PYHIN1: variants seen among roughly 807,000 people sequenced by gnomAD.
PYHIN1 encodes the protein pyrin and HIN domain-containing protein 1.
PYHIN1 carries 32 observed loss-of-function variants against 43.7 expected under a neutral mutation model. The ratio of observed to expected loss-of-function variants is 0.73; its 90% CI spans 0.55 to 0.98. The LOEUF is 0.98. Ranked by LOEUF, PYHIN1 falls within the 50% of genes least tolerant of loss-of-function variation. The pLI is 0.00. For synonymous variants in PYHIN1, 205 were observed against 203.1 expected, an observed-to-expected ratio of 1.01 and a Z score of -0.08; for missense variants, 588 against 589.5, an observed-to-expected ratio of 1.00 and a Z score of 0.03.
chr1:158,977,872 CAG>C (rs1651349563), downstream of PYHIN1, among the ~76,000 whole-genome samples: 3 of 152,168 alleles, frequency 2.0e-5, no homozygotes, highest in South Asian at 6.2e-4. Context: ...GTTAGGAGAA[CAG>C]GGATAAGATG....
At chr1:158,969,003 A>C (rs1008568080) in intron 7 of PYHIN1, among the ~76,000 whole-genome samples, 2 of 152,000 alleles carry the variant, frequency 1.3e-5, no homozygotes, top group African/African-American at 4.8e-5. Context: ...TGTGACATGC[A>C]GTTTACCTAT....
chr1:158,969,725 T>A (rs1370714426), intron 7 of PYHIN1, among the ~76,000 whole-genome samples: 3 of 152,020 alleles, frequency 2.0e-5, no homozygotes, highest in Non-Finnish European at 4.4e-5. Context: ...AAGACAAACA[T>A]TTAAAGACAA....
intron 2 of PYHIN1, among the ~76,000 whole-genome samples, 191 bp downstream of exon 2, chr1:158,937,366 G>C (rs186716010): frequency 6.6e-6 from 1 of 152,176 alleles, no homozygotes; most frequent in Admixed American, 6.5e-5. Context: ...GTGGATTGAC[G>C]TATATCGGAG....
chr1:158,946,510 G>T (rs1456733763), intron 7 of PYHIN1, among the ~76,000 whole-genome samples: 1 of 152,052 alleles, frequency 6.6e-6, no homozygotes, highest in Non-Finnish European at 1.5e-5. Context: ...TCTGCATCTG[G>T]AATTGTGGAT....
chr1:158,981,444 C>A (rs1039158281), downstream of PYHIN1, among the ~76,000 whole-genome samples: 8 of 152,114 alleles, frequency 5.3e-5, no homozygotes, highest in Non-Finnish European at 8.8e-5. Context: ...GCACTCCAGC[C>A]TGGGGGACAA....
intron 7 of PYHIN1, among the ~76,000 whole-genome samples, chr1:158,959,970 A>G (rs909623919): frequency 1.3e-5 from 2 of 152,230 alleles, no homozygotes; most frequent in African/African-American, 4.8e-5. Flanking sequence ...GGAAACTTGG[A>G]GGAAAAGCAA....
At chr1:158,945,096 T>A in intron 7 of PYHIN1, 54 bp downstream of exon 7, 2 of 1,508,418 alleles carry the variant, frequency 1.3e-6, no homozygotes, top group South Asian at 2.5e-5. Context: ...ATTACAAGGA[T>A]CATTAGATTG....
In PYHIN1 at chr1:158,973,905, T is replaced by C. The variant is rs1379780444; in HGVS notation, c.*5+134T>C. On this transcript the variant is annotated intron_variant, in intron 8 of 8. Coordinates refer to ENST00000368140, the MANE Select transcript of PYHIN1 (RefSeq NM_152501.5). ...TTTTACTACATTTCTCATTCATTTA[T>C]CAATATATAATTGGACATGCCACTG... 7.5e-6 allele frequency: 8 copies of C among 1,065,938 alleles called. No homozygotes were observed. The East Asian group carries it at 1.8e-4, about 24-fold the overall frequency. The allele number at this position is 1,065,938 out of a possible 1,614,324, so 66.0% of individuals were successfully genotyped here.
Position 158,933,997 on chromosome 1 carries a change from T to C in PYHIN1, c.-21+2221T>C, listed in dbSNP as rs1025961921. On this transcript the variant is annotated intron_variant, in intron 1 of 8. Transcript: ENST00000368140. This position sits in a 1 kb window ranked among gnomAD's most constrained non-coding sequence, Gnocchi z 6.3. ...TGAGGCCTTCAGGTTCAGAGAATAG[T>C]TTTTGAGGATCTTATGTTTAAATAT... 1.3e-5 allele frequency among the ~76,000 whole-genome samples: 2 copies of C among 152,156 alleles called. No homozygotes were observed. The highest frequency in any genetic ancestry group is 2.9e-5 in the Non-Finnish European group (2 of 68,006).
chr1:158,939,116 A>G lies in PYHIN1; in HGVS notation c.448A>G (p.Lys150Glu). 2 of 1,607,544 alleles carry G rather than the reference A, an allele frequency of 1.2e-6. No homozygotes were observed. The highest frequency in any genetic ancestry group is 1.7e-5 in the Admixed American group (1 of 58,160). The change falls in exon 4 of 9, where the codon AAA becomes GAA. Residue 150 changes from lysine (K) to glutamate (E), a missense_variant. Physicochemically the swap from Lys to Glu is moderately conservative, Grantham distance 56. Transcript: ENST00000368140. The part of the protein sequence containing the change: ...KKPSEEETGT[K>E]RSKMSKEQTR... The stretch of plus-strand genomic sequence containing the variant: ...ACCATCTGAAGAAGAGACTGGAACC[A>G]AAAGGAGTAAGATGTCCAAAGAGCA...
At chr1:158,984,480 T>C in the PYHIN1 span, among the ~76,000 whole-genome samples, 1 of 152,204 alleles carries the variant, frequency 6.6e-6, no homozygotes, top group African/African-American at 2.4e-5. Context: ...GGTATTGATT[T>C]GTATTTTTGT....
intron 7 of PYHIN1, among the ~76,000 whole-genome samples, chr1:158,958,579 G>A (rs1192249861): frequency 7.4e-6 from 1 of 135,626 alleles, no homozygotes; most frequent in Non-Finnish European, 1.6e-5. Context: ...ACACAGGAAG[G>A]GGAATATCAC....
At chr1:158,964,393 C>A (rs1011760093) in intron 7 of PYHIN1, among the ~76,000 whole-genome samples, 1 of 152,088 alleles carries the variant, frequency 6.6e-6, no homozygotes, top group Non-Finnish European at 1.5e-5. Context: ...TGAGATACTA[C>A]ACAAAAAGAC....
chr1:158,963,629 A>G (rs1460466977), intron 7 of PYHIN1, among the ~76,000 whole-genome samples: 1 of 152,134 alleles, frequency 6.6e-6, no homozygotes, highest in Non-Finnish European at 1.5e-5. Context: ...CTTAAGCACC[A>G]CCTACTGGAT....
At chr1:158,942,534 T>C in intron 5 of PYHIN1, 135 bp downstream of exon 5, 2 of 659,724 alleles carry the variant, frequency 3.0e-6, no homozygotes, top group Non-Finnish European at 5.0e-6. Flanking sequence ...GACAAGTAGA[T>C]AAAGTCTTCT....
intron 3 of PYHIN1, 79 bp downstream of exon 3, chr1:158,938,621 C>G: frequency 2.1e-6 from 3 of 1,427,520 alleles, no homozygotes; most frequent in Non-Finnish European, 2.9e-6. Context: ...ATCTGTCCAG[C>G]AGGCAGTTAT....
downstream of PYHIN1, among the ~76,000 whole-genome samples, chr1:158,982,000 C>T (rs1651498968): frequency 6.6e-6 from 1 of 152,052 alleles, no homozygotes; most frequent in African/African-American, 2.4e-5. Context: ...TTGGTTTTTG[C>T]TTGTTGATTT....
chr1:158,961,617 C>T (rs941977739), intron 7 of PYHIN1, among the ~76,000 whole-genome samples: 3 of 152,076 alleles, frequency 2.0e-5, no homozygotes, highest in Non-Finnish European at 4.4e-5. Context: ...GAGGAGGCTT[C>T]TCCACTGCAG....
At chr1:158,984,785 T>A in the PYHIN1 span, among the ~76,000 whole-genome samples, 3 of 152,188 alleles carry the variant, frequency 2.0e-5, no homozygotes, top group African/African-American at 7.2e-5. Context: ...GGTTAGCTAG[T>A]TCTCTTCATA....
Sources: gnomAD v4.1 joint callset for allele counts (sites outside exome capture counted in the v4.1 genomes callset) on GRCh38, gnomAD v4.1.1 for gene constraint, Gnocchi (gnomAD v3.1) non-coding constraint, MANE v1.5 for transcripts, NCBI Gene and HGNC (gene_info 2026-07-23, HGNC 2026-07-21) for gene names.